The following ARHGAP29 variants were observed in gnomAD, a reference collection of about 807,000 sequenced individuals.
The protein encoded by ARHGAP29 is Rho GTPase activating protein 29.
In ARHGAP29, 43 loss-of-function variants were observed where a neutral mutation model predicts 122.6. The ratio of observed to expected loss-of-function variants is 0.35; its 90% confidence interval spans 0.27 to 0.45. The LOEUF is 0.45. Among genes scored for constraint, ARHGAP29 ranks in the 20% least tolerant of loss-of-function variants. The pLI, the probability that ARHGAP29 is intolerant of heterozygous loss-of-function variation, is 1.00. For missense variants in ARHGAP29, 1,303 were observed against 1,477.2 expected (o/e 0.88, Z 1.93); for synonymous variants, 506 against 497.1 (o/e 1.02, Z -0.24).
At chr1:94,238,830 G>A (rs963332453), upstream of ARHGAP29, among the ~76,000 whole-genome samples, 7 of 152,088 alleles carry the variant, frequency 4.6e-5, no homozygotes, top group Middle Eastern at 3.2e-3. Context: ...GTAGGGTAGC[G>A]GGGCAAGAGA....
chr1:94,184,040 T>A (rs148018856), intron 19 of ARHGAP29, 111 bp downstream of exon 19: 5 of 1,174,450 alleles, frequency 4.3e-6, no homozygotes, highest in Non-Finnish European at 6.2e-6. Flanking sequence ...AAGATACCTA[T>A]ACCGTCTATG....
At chr1:94,299,491 T>C in the ARHGAP29 span, among the ~76,000 whole-genome samples, 1 of 152,184 alleles carries the variant, frequency 6.6e-6, no homozygotes, top group Non-Finnish European at 1.5e-5. Flanking sequence ...ACAAATGCGA[T>C]AAACTTTAGA....
upstream of ARHGAP29, among the ~76,000 whole-genome samples, chr1:94,279,670 A>ATT (rs942632790): frequency 3.9e-5 from 6 of 152,206 alleles, no homozygotes; most frequent in Non-Finnish European, 8.8e-5. Flanking sequence ...GACTCACTGA[A>ATT]TAAGTATATT....
chr1:94,226,254 G>A (rs540734778), intron 2 of ARHGAP29, among the ~76,000 whole-genome samples: 24 of 152,088 alleles, frequency 1.6e-4, no homozygotes, highest in African/African-American at 5.3e-4. Context: ...CAGGATAAAA[G>A]TGAAGCCTGA....
At chr1:94,239,419 G>T (rs1037857918), upstream of ARHGAP29, among the ~76,000 whole-genome samples, 11 of 152,228 alleles carry the variant, frequency 7.2e-5, no homozygotes, top group Admixed American at 3.3e-4. Context: ...ACAAAATCAT[G>T]AACAAGTTCC....
intron 1 of ARHGAP29, among the ~76,000 whole-genome samples, chr1:94,259,907 G>C (rs1654493371): frequency 6.6e-6 from 1 of 152,220 alleles, no homozygotes; most frequent in Non-Finnish European, 1.5e-5. Flanking sequence ...CAAAAGTTCA[G>C]AGAGCATTTT....
chr1:94,300,746 G>T, the ARHGAP29 span, among the ~76,000 whole-genome samples: 1 of 152,040 alleles, frequency 6.6e-6, no homozygotes, highest in South Asian at 2.1e-4. Flanking sequence ...ATAATACCTG[G>T]CATATAGGTA....
chr1:94,282,329 C>G, the ARHGAP29 span, among the ~76,000 whole-genome samples: 1 of 151,694 alleles, frequency 6.6e-6, no homozygotes, highest in South Asian at 2.1e-4. Flanking sequence ...CTCTGTCACC[C>G]AGGCCAGAGT....
At chr1:94,225,487 C>T (rs1243486545) in intron 2 of ARHGAP29, among the ~76,000 whole-genome samples, 1 of 151,988 alleles carries the variant, frequency 6.6e-6, no homozygotes, top group Non-Finnish European at 1.5e-5. Flanking sequence ...CCTTTGAAAA[C>T]AGATTTGCCT....
the ARHGAP29 span, among the ~76,000 whole-genome samples, chr1:94,303,957 A>T: frequency 6.6e-6 from 1 of 152,244 alleles, no homozygotes; most frequent in African/African-American, 2.4e-5. Context: ...AACTTAAGGG[A>T]TCTACCTGTG....
At chr1:94,205,737 C>T (rs1424974037) in intron 5 of ARHGAP29, 54 bp from the exon 6 acceptor site, 1 of 1,551,918 alleles carries the variant, frequency 6.4e-7, no homozygotes, top group Non-Finnish European at 8.8e-7. Flanking sequence ...CAAATCTTTG[C>T]TTCAGAATTT....
chr1:94,231,575 GT>G lies in ARHGAP29; in HGVS notation c.36del (p.Lys12AsnfsTer23). 2 of 1,613,412 alleles carry G rather than the reference GT, an allele frequency of 1.2e-6. No individual in the cohort carries two copies. Among genetic ancestry groups the G allele is most frequent in the Non-Finnish European group, 1.7e-6 (2 of 1,179,656 alleles). ...IAHKQKKTKK[K>X]RAWASGQLST... ...GAGAGTTGACCTGATGCCCAAGCAC[GT>G]TTTTTCTTTGTCTTTTTCTGTTTGT... On this transcript the variant is annotated frameshift_variant, in exon 2 of 23. Coordinates refer to ENST00000260526, the MANE Select transcript of ARHGAP29 (RefSeq NM_004815.4). LOFTEE classifies it high-confidence loss of function.
At chr1:94,236,671 G>GC (rs906968935) in intron 1 of ARHGAP29, among the ~76,000 whole-genome samples, 9 of 151,616 alleles carry the variant, frequency 5.9e-5, no homozygotes, top group African/African-American at 2.2e-4. Context: ...CAGCTCACCC[G>GC]CCCCCCAAAA....
chr1:94,292,877 T>G, the ARHGAP29 span, among the ~76,000 whole-genome samples: 1 of 152,182 alleles, frequency 6.6e-6, no homozygotes, highest in African/African-American at 2.4e-5. Context: ...TGTTGGTCCC[T>G]ACTGGGAGGT....
intron 1 of ARHGAP29, among the ~76,000 whole-genome samples, chr1:94,242,875 C>T (rs1298763667): frequency 2.6e-5 from 4 of 151,906 alleles, no homozygotes; most frequent in Admixed American, 2.0e-4. Flanking sequence ...CAGAAAAAGA[C>T]ACACCATGCA....
chr1:94,184,128 G>C, intron 19 of ARHGAP29, 23 bp downstream of exon 19: 1 of 1,599,610 alleles, frequency 6.3e-7, no homozygotes, highest in Non-Finnish European at 8.5e-7. Flanking sequence ...TTAATGGTGG[G>C]TTTCAAGGGT....
At chr1:94,305,731 G>T in the ARHGAP29 span, among the ~76,000 whole-genome samples, 1 of 152,126 alleles carries the variant, frequency 6.6e-6, no homozygotes, top group South Asian at 2.1e-4. Flanking sequence ...GAGAGAGTGG[G>T]AATAGAGGTG....
At chr1:94,185,261 A>C in intron 17 of ARHGAP29, 81 bp downstream of exon 17, 13 of 1,427,048 alleles carry the variant, frequency 9.1e-6, no homozygotes, top group Non-Finnish European at 1.2e-5. Flanking sequence ...TTTGCAAAAG[A>C]TCCTAAAAAG....
At chr1:94,256,501 T>C (rs918564674) in intron 1 of ARHGAP29, among the ~76,000 whole-genome samples, 3 of 142,932 alleles carry the variant, frequency 2.1e-5, no homozygotes, top group South Asian at 4.6e-4. Flanking sequence ...AGTTCCAATT[T>C]AACCAAAACC....
Sources: gnomAD v4.1 joint callset for allele counts (sites outside exome capture counted in the v4.1 genomes callset) on GRCh38, gnomAD v4.1.1 for gene constraint, MANE v1.5 for transcripts, NCBI Gene and HGNC (gene_info 2026-07-23, HGNC 2026-07-21) for gene names.